Variants in HAUS1 observed in about 807,000 individuals in gnomAD.
The protein encoded by HAUS1 is HAUS augmin like complex subunit 1.
A neutral mutation model predicts 38.6 loss-of-function variants in HAUS1; 25 were observed. The observed-to-expected ratio is 0.65, with a 90% CI of 0.47 to 0.91. HAUS1 has a LOEUF of 0.91. Ranked by LOEUF, HAUS1 falls within the 40% of genes least tolerant of loss-of-function variation. The pLI is 0.00. For synonymous variants in HAUS1, 109 were observed against 112.9 expected (o/e 0.97, Z 0.22); for missense variants, 325 against 328.4 (o/e 0.99, Z 0.08).
chr18:46,111,683 C>T (rs1179482600), intron 2 of HAUS1, among the ~76,000 whole-genome samples: 1 of 151,646 alleles, frequency 6.6e-6, no homozygotes, highest in Non-Finnish European at 1.5e-5. Flanking sequence ...GTCTTGAACC[C>T]CTGACCTCAA....
intron 3 of HAUS1, among the ~76,000 whole-genome samples, chr18:46,119,564 A>C (rs1210867718): frequency 6.6e-6 from 1 of 152,178 alleles, no homozygotes; most frequent in Non-Finnish European, 1.5e-5. Context: ...TACGATAGTA[A>C]CTTCCTTAAA....
At chr18:46,112,073 G>A (rs1599809293) in intron 2 of HAUS1, among the ~76,000 whole-genome samples, 1 of 149,796 alleles carries the variant, frequency 6.7e-6, no homozygotes, top group Non-Finnish European at 1.5e-5. Context: ...CTTTAGTAGA[G>A]ATGGGGTTTC....
intron 8 of HAUS1, among the ~76,000 whole-genome samples, chr18:46,126,192 T>C (rs577787313): frequency 2.0e-5 from 3 of 152,204 alleles, no homozygotes; most frequent in Admixed American, 1.3e-4. Context: ...GGAGAATCAC[T>C]TGAACCTGGG....
intron 6 of HAUS1, among the ~76,000 whole-genome samples, chr18:46,123,666 C>T (rs1220092199): frequency 2.0e-5 from 3 of 152,056 alleles, no homozygotes; most frequent in African/African-American, 7.2e-5. Flanking sequence ...CTAGGTGCTC[C>T]CCTTTCTTCT....
chr18:46,128,196 C>A lies in HAUS1; in HGVS notation c.*71C>A. ...AGGACTTTACAGAGTTCTTTTTCCTCTTGGCATTTCCTAATAACAAAACTT... is the reference window on the plus strand; with the variant it reads ...AGGACTTTACAGAGTTCTTTTTCCTATTGGCATTTCCTAATAACAAAACTT... On this transcript the variant is annotated 3_prime_UTR_variant, in exon 9 of 9. Transcript: ENST00000282058. The A allele has an allele frequency of 1.1e-6, 1 of 872,454 alleles. No individual in the cohort carries two copies. Among genetic ancestry groups the A allele is most frequent in the Non-Finnish European group, 1.8e-6 (1 of 569,482 alleles). The allele number at this position is 872,454 out of a possible 1,614,324, so 54.0% of individuals were successfully genotyped here.
chr18:46,118,485 T>G (rs1911853947), intron 3 of HAUS1, 169 bp downstream of exon 3: 1 of 604,046 alleles, frequency 1.7e-6, no homozygotes, highest in Non-Finnish European at 2.9e-6. Context: ...ATAAATATGG[T>G]ATTGGTTAAT....
chr18:46,122,939 A>G (rs1228009652), intron 5 of HAUS1, among the ~76,000 whole-genome samples: 6 of 152,166 alleles, frequency 3.9e-5, no homozygotes, highest in East Asian at 1.9e-4. Flanking sequence ...TGGGCTGGGC[A>G]CGGTGGCTCA....
At chr18:46,120,446 C>T (rs1911904653) in intron 4 of HAUS1, among the ~76,000 whole-genome samples, 1 of 151,864 alleles carries the variant, frequency 6.6e-6, no homozygotes, top group Non-Finnish European at 1.5e-5. Flanking sequence ...GTTGGTCAGG[C>T]TGGTCTCGAA....
At chr18:46,122,754 CAAACTCAGGCATCCAGGCTCTG>C (rs1206863805) in intron 5 of HAUS1, among the ~76,000 whole-genome samples, 164 bp downstream of exon 5, 1 of 152,190 alleles carries the variant, frequency 6.6e-6, no homozygotes, top group South Asian at 2.1e-4. Flanking sequence ...GATCTAGATT[CAAACTCAGGCATCCAGGCTCTG>C]AAACTCAGGC....
Position 46,105,590 on chromosome 18 carries a change from G to GTATA in HAUS1, c.205+223_205+224insATAT, listed in dbSNP as rs753647390. Among the ~76,000 whole-genome samples, 496 of 143,556 alleles carry GTATA rather than the reference G, an allele frequency of 3.5e-3. 3 individuals carry two copies. Among genetic ancestry groups the GTATA allele is most frequent in the African/African-American group, 0.012 (470 of 38,804 alleles). The allele number at this position is 143,556 out of a possible 152,430, so 94.2% of individuals were successfully genotyped here. On this transcript the variant is annotated intron_variant, in intron 2 of 8. Transcript: ENST00000282058. ...TGTGTGTGTGTGTGTGTGTGTGTGT[G>GTATA]TGTATATATTTTAGACAATCTTGCT...
chr18:46,112,221 G>A (rs1428893864), intron 2 of HAUS1, among the ~76,000 whole-genome samples: 1 of 138,156 alleles, frequency 7.2e-6, no homozygotes, highest in Non-Finnish European at 1.5e-5. Context: ...TCTGTTCTTT[G>A]GCTTCCATAT....
chr18:46,122,937 G>A (rs1911984484), intron 5 of HAUS1, among the ~76,000 whole-genome samples: 1 of 152,158 alleles, frequency 6.6e-6, no homozygotes, highest in Non-Finnish European at 1.5e-5. Context: ...GATGGGCTGG[G>A]CACGGTGGCT....
intron 3 of HAUS1, 31 bp downstream of exon 3, chr18:46,118,347 A>G: frequency 1.9e-6 from 3 of 1,606,886 alleles, no homozygotes; most frequent in East Asian, 2.2e-5. Flanking sequence ...AATTTCCGCA[A>G]TCATATCTGC....
chr18:46,125,730 AT>A lies in HAUS1; in HGVS notation c.739-5del, dbSNP rs575576690. 3.4e-4 allele frequency: 521 copies of A among 1,550,778 alleles called. No individual in the cohort carries two copies. The highest frequency in any genetic ancestry group is 3.9e-4 in the Non-Finnish European group (439 of 1,130,406). On this transcript the variant is annotated splice_polypyrimidine_tract_variant and intron_variant, in intron 7 of 8. Coordinates refer to ENST00000282058, the MANE Select transcript of HAUS1 (RefSeq NM_138443.4). ...AGGCAATATAACCTTTCCTTGTTTT[AT>A]TTTTTTTTAAAGAATCCGTCTCTTG...
intron 2 of HAUS1, among the ~76,000 whole-genome samples, chr18:46,115,500 C>T (rs8088422): frequency 0.16 from 23,572 of 147,694 alleles, 2,648 homozygotes; most frequent in East Asian, 0.39. Context: ...TGGTGGTGCA[C>T]GCCTGTAGTC....
intron 1 of HAUS1, 151 bp from the exon 2 acceptor site, chr18:46,105,043 A>T (rs1012800369): frequency 1.4e-5 from 7 of 491,140 alleles, no homozygotes; most frequent in African/African-American, 1.4e-4. Context: ...GATATCTAGT[A>T]TCTCCCTAAA....
chr18:46,104,820 G>T (rs933063328), intron 1 of HAUS1, among the ~76,000 whole-genome samples: 1 of 152,228 alleles, frequency 6.6e-6, no homozygotes, highest in African/African-American at 2.4e-5. Context: ...GCGCGGCGGG[G>T]CTTCTGGTGA....
At chr18:46,107,495 C>G (rs1911509565) in intron 2 of HAUS1, among the ~76,000 whole-genome samples, 2 of 152,176 alleles carry the variant, frequency 1.3e-5, no homozygotes, top group African/African-American at 2.4e-5. Flanking sequence ...TCTAGAAGAG[C>G]ATTGCCACCA....
At chr18:46,116,750 C>T (rs1029506146) in intron 2 of HAUS1, among the ~76,000 whole-genome samples, 1 of 152,048 alleles carries the variant, frequency 6.6e-6, no homozygotes, top group Non-Finnish European at 1.5e-5. Context: ...CAGTGGCTCA[C>T]GCCTGTAATC....
Sources: allele counts gnomAD v4.1 joint callset (sites outside exome capture counted in the v4.1 genomes callset), GRCh38; gene constraint gnomAD v4.1.1; transcripts MANE v1.5; gene names NCBI Gene and HGNC (gene_info 2026-07-23, HGNC 2026-07-21).